WWOX: variants seen among roughly 807,000 people sequenced by gnomAD.
WWOX encodes the protein WW domain containing oxidoreductase, also known as WW domain-containing oxidoreductase.
In WWOX, 69 loss-of-function variants were observed where a neutral mutation model predicts 46.2. That is an observed-to-expected ratio of 1.49 (90% CI 1.23 to 1.82). WWOX has a LOEUF of 1.82. WWOX is among the 40% of genes most tolerant of loss of function. The pLI is 0.00. For synonymous variants in WWOX, 359 were observed against 202.6 expected (o/e 1.77, Z -6.56); for missense variants, 919 against 542.6 (o/e 1.69, Z -6.89).
chr16:78,138,062 A>C (rs2151704207), intron 4 of WWOX, among the ~76,000 whole-genome samples: 1 of 150,760 alleles, frequency 6.6e-6, no homozygotes, highest in East Asian at 1.9e-4. Context: ...CAATGAGGAA[A>C]GTTGTCTAGC....
chr16:78,577,323 T>C (rs2151582601), intron 8 of WWOX, among the ~76,000 whole-genome samples: 1 of 152,332 alleles, frequency 6.6e-6, no homozygotes, highest in East Asian at 1.9e-4. Context: ...CAAATATATG[T>C]TTAAAACCTT....
chr16:78,470,618 C>T (rs2667549), intron 8 of WWOX, among the ~76,000 whole-genome samples: 30 of 152,222 alleles, frequency 2.0e-4, no homozygotes, highest in Non-Finnish European at 3.5e-4. Flanking sequence ...AAACCTCCTC[C>T]TCCTGGATTC....
At chr16:78,310,596 G>A (rs1052553678) in intron 5 of WWOX, among the ~76,000 whole-genome samples, 1 of 152,192 alleles carries the variant, frequency 6.6e-6, no homozygotes, top group African/African-American at 2.4e-5. Context: ...GCATGCAAAG[G>A]GTGCGGGCCA....
rs867987976 is a variant in WWOX, at chr16:78,989,822, G to T, written c.1057-221786G>T. 2.0e-4 allele frequency among the ~76,000 whole-genome samples: 7 copies of T among 35,454 alleles called. No individual in the cohort carries two copies. In the East Asian group the frequency reaches 0.011, roughly 57 times the overall value. The allele number at this position is 35,454 out of a possible 152,430, so 23.3% of individuals were successfully genotyped here. ...AGTGAGACAGAGGTGGTGTGTGAGC[G>T]TGTGTGTGTGTGTGTGTGTGTGTGT... On this transcript the variant is annotated intron_variant, in intron 8 of 8. Transcript: ENST00000566780.
intron 8 of WWOX, among the ~76,000 whole-genome samples, chr16:78,704,888 T>A (rs988669893): frequency 6.6e-6 from 1 of 151,298 alleles, no homozygotes; most frequent in Non-Finnish European, 1.5e-5. Context: ...TTATTTTTTT[T>A]AATTGCTGCT....
At position 78,784,635 on chromosome 16, in the gene WWOX, G is replaced by C. The variant is rs2050410630; in HGVS notation, c.1056+351883G>C. On this transcript the variant is annotated intron_variant, in intron 8 of 8. Transcript: ENST00000566780. The stretch of plus-strand genomic sequence containing the variant: ...TGAGATAATAGATATAAAGCACTTA[G>C]AAGAGAGTTTGGCATTTGCTAGGCT... 2.0e-5 allele frequency among the ~76,000 whole-genome samples: 3 copies of C among 152,210 alleles called. No individual in the cohort carries two copies. The South Asian group carries it at 6.2e-4, about 32-fold the overall frequency.
intron 8 of WWOX, among the ~76,000 whole-genome samples, chr16:78,974,976 G>C (rs147391682): frequency 6.6e-6 from 1 of 152,126 alleles, no homozygotes; most frequent in South Asian, 2.1e-4. Context: ...ACATTTCTAG[G>C]CTTGTGGAAG....
intron 8 of WWOX, chr16:79,105,936 G>T (rs988084600): frequency 6.6e-6 from 1 of 152,214 alleles, no homozygotes; most frequent in Non-Finnish European, 1.5e-5. Flanking sequence ...GCCTCCCGAA[G>T]TGTTGGAATT....
chr16:78,707,623 C>T (rs901443639), intron 8 of WWOX, among the ~76,000 whole-genome samples: 2 of 152,102 alleles, frequency 1.3e-5, no homozygotes, highest in Admixed American at 6.5e-5. Context: ...TGTCTCATGC[C>T]TGTAATCCCA....
intron 8 of WWOX, among the ~76,000 whole-genome samples, chr16:78,454,850 C>T (rs555733035): frequency 4.9e-4 from 75 of 152,118 alleles, no homozygotes; most frequent in Non-Finnish European, 9.6e-4. Context: ...GTTTCAATAC[C>T]AACTGTTGCT....
intron 8 of WWOX, among the ~76,000 whole-genome samples, chr16:79,032,149 A>G (rs1269160286): frequency 1.4e-5 from 2 of 145,548 alleles, no homozygotes; most frequent in Non-Finnish European, 3.0e-5. Context: ...AGGGTAAAAC[A>G]AAGTCTATAA....
At chr16:78,969,341 CCCACTGCA>C (rs2046425496) in intron 8 of WWOX, among the ~76,000 whole-genome samples, 1 of 151,658 alleles carries the variant, frequency 6.6e-6, no homozygotes, top group Admixed American at 6.6e-5. Context: ...GCTATCTTGG[CCCACTGCA>C]CCCTCCATCT....
intron 8 of WWOX, among the ~76,000 whole-genome samples, chr16:78,669,802 T>G (rs1261052430): frequency 6.6e-6 from 1 of 152,334 alleles, no homozygotes; most frequent in Non-Finnish European, 1.5e-5. Context: ...ATTATTTCAG[T>G]GACTCAGAAG....
At chr16:78,566,288 G>A (rs1019708378) in intron 8 of WWOX, among the ~76,000 whole-genome samples, 1 of 152,178 alleles carries the variant, frequency 6.6e-6, no homozygotes, top group Non-Finnish European at 1.5e-5. Context: ...GAATTTGGGG[G>A]AGCTGGGGAG....
intron 5 of WWOX, among the ~76,000 whole-genome samples, chr16:78,247,531 G>C (rs1248084485): frequency 1.3e-5 from 2 of 152,130 alleles, no homozygotes; most frequent in African/African-American, 4.8e-5. Context: ...GATAGGGCCA[G>C]TTGGACCCAG....
At chr16:78,262,006 C>T (rs1597416425) in intron 5 of WWOX, among the ~76,000 whole-genome samples, 1 of 144,260 alleles carries the variant, frequency 6.9e-6, no homozygotes, top group East Asian at 2.1e-4. Flanking sequence ...GAAAGAATCG[C>T]TTGAACCTGG....
chr16:79,181,728 G>T (rs548995538), intron 8 of WWOX, among the ~76,000 whole-genome samples: 1 of 152,196 alleles, frequency 6.6e-6, no homozygotes, highest in Admixed American at 6.5e-5. Flanking sequence ...GACATACTTG[G>T]AGTTCTAGAA....
At chr16:78,581,335 A>G (rs768308479) in intron 8 of WWOX, among the ~76,000 whole-genome samples, 1 of 152,220 alleles carries the variant, frequency 6.6e-6, no homozygotes, top group Non-Finnish European at 1.5e-5. Context: ...ATGGGTTAGC[A>G]TAATTCAAAA....
chr16:78,952,974 AT>A (rs1434122071), intron 8 of WWOX, among the ~76,000 whole-genome samples: 1 of 152,128 alleles, frequency 6.6e-6, no homozygotes, highest in Non-Finnish European at 1.5e-5. Context: ...AAACCACACA[AT>A]GCTCATGAAA....
Sources: gnomAD v4.1 joint callset for allele counts (sites outside exome capture counted in the v4.1 genomes callset) on GRCh38, gnomAD v4.1.1 for gene constraint, MANE v1.5 for transcripts, NCBI Gene and HGNC (gene_info 2026-07-23, HGNC 2026-07-21) for gene names.